The following CCDC171 variants were observed in gnomAD, a reference collection of about 807,000 sequenced individuals.
CCDC171 encodes coiled-coil domain-containing protein 171.
A neutral mutation model predicts 168.2 loss-of-function variants in CCDC171; 177 were observed. The ratio of observed to expected loss-of-function variants is 1.05; its 90% CI spans 0.93 to 1.19. The LOEUF (loss-of-function observed/expected upper bound fraction) is 1.19, where lower values mean the gene tolerates loss of function less well. Among genes scored for constraint, CCDC171 ranks in the 50% most tolerant of loss-of-function variants. The pLI, the probability that CCDC171 is intolerant of heterozygous loss-of-function variation, is 0.00. For synonymous variants in CCDC171, 687 were observed against 540.8 expected (o/e 1.27, Z -3.75); for missense variants, 1,991 against 1,539.0 (o/e 1.29, Z -4.91).
intron 25 of CCDC171, among the ~76,000 whole-genome samples, chr9:15,940,831 A>C (rs1827627729): frequency 1.3e-5 from 2 of 151,842 alleles, no homozygotes; most frequent in Admixed American, 1.3e-4. Flanking sequence ...AGAACAACCA[A>C]GGGCAACCTA....
chr9:15,578,992 C>T lies in CCDC171; in HGVS notation c.321C>T (p.Ala107=), dbSNP rs779725735. Residue 107 remains alanine, a synonymous_variant, in exon 4 of 26, where the codon GCC becomes GCT. Coordinates refer to ENST00000380701, the MANE Select transcript of CCDC171 (RefSeq NM_173550.4). Reference sequence around the variant, plus strand: ...GACGGGCTGCTGAAGAAAGATTAGCCGAGGCACATAGGATCCAAGAAAAAC... The same window carrying T: ...GACGGGCTGCTGAAGAAAGATTAGCTGAGGCACATAGGATCCAAGAAAAAC... ...LGRRAAEERL[A]EAHRIQEKLC... 31 of 1,613,716 alleles carry T rather than the reference C, an allele frequency of 1.9e-5. No homozygotes were observed. The highest frequency in any genetic ancestry group is 1.6e-4 in the Middle Eastern group (1 of 6,062).
intron 7 of CCDC171, among the ~76,000 whole-genome samples, chr9:15,637,919 G>A (rs12683168): frequency 8.9e-4 from 136 of 151,980 alleles, no homozygotes; most frequent in East Asian, 3.9e-3. Flanking sequence ...GAATAGTGCC[G>A]CAATAAACAT....
intron 2 of CCDC171, among the ~76,000 whole-genome samples, chr9:15,568,733 T>G (rs2039959508): frequency 6.6e-6 from 1 of 151,314 alleles, no homozygotes; most frequent in Non-Finnish European, 1.5e-5. Flanking sequence ...TTTATGTCCT[T>G]TGCCCACTTT....
chr9:15,970,106 A>G (rs1187057648), intron 25 of CCDC171, among the ~76,000 whole-genome samples: 7 of 152,218 alleles, frequency 4.6e-5, no homozygotes, highest in Non-Finnish European at 8.8e-5. Context: ...TCCGTCAGCT[A>G]TTGGCCTGCA....
Position 15,727,970 on chromosome 9 carries a change from G to T in CCDC171, c.1794G>T (p.Glu598Asp). The stretch of plus-strand genomic sequence containing the variant: ...TGCTGGATAAATTCTCTTGGTCTGA[G>T]CTTTGTGCAGTCTTACAGGAGAATG... Reference protein sequence around the residue: ...EGMLDKFSWSELCAVLQENVD... With the variant: ...EGMLDKFSWSDLCAVLQENVD... Residue 598 changes from glutamate (E) to aspartate (D), a missense_variant, in exon 15 of 26, where the codon GAG becomes GAT. By Grantham distance (45) the Glu-to-Asp change is conservative. Transcript: ENST00000380701. The T allele has an allele frequency of 2.5e-6, 4 of 1,613,310 alleles. No homozygotes were observed. Among genetic ancestry groups the T allele is most frequent in the Non-Finnish European group, 3.4e-6 (4 of 1,179,610 alleles).
rs1367629425 is a variant in CCDC171, at chr9:15,691,542, TTTTTTA to T, written c.1216-3691_1216-3686del. Among the ~76,000 whole-genome samples the T allele has an allele frequency of 4.3e-4, 48 of 112,718 alleles. 1 individual carries two copies. Among genetic ancestry groups the T allele is most frequent in the African/African-American group, 1.5e-3 (41 of 26,976 alleles). The allele number at this position is 112,718 out of a possible 152,430, so 73.9% of individuals were successfully genotyped here. On this transcript the variant is annotated intron_variant, in intron 10 of 25. Transcript: ENST00000380701. ...GATTAAAAATACCTGTAAATATATGTTTTTTATATATATATATATATATATATATGT... is the reference window on the plus strand; with the variant it reads ...GATTAAAAATACCTGTAAATATATGTTATATATATATATATATATATATGT...
intron 3 of CCDC171, among the ~76,000 whole-genome samples, chr9:16,001,498 T>G (rs1295965816): frequency 2.0e-5 from 3 of 151,912 alleles, no homozygotes; most frequent in African/African-American, 7.3e-5. Flanking sequence ...TAAGGGGCAT[T>G]TTATTAGGTA....
intron 18 of CCDC171, among the ~76,000 whole-genome samples, chr9:15,771,158 T>C (rs911964187): frequency 2.6e-5 from 4 of 152,166 alleles, no homozygotes; most frequent in Non-Finnish European, 5.9e-5. Flanking sequence ...AGCAATATTG[T>C]AATCAGCCAT....
intron 21 of CCDC171, among the ~76,000 whole-genome samples, chr9:15,837,857 T>G (rs2060515908): frequency 6.6e-6 from 1 of 152,230 alleles, no homozygotes; most frequent in African/African-American, 2.4e-5. Flanking sequence ...GAAAGCCTTT[T>G]AGAAATCTCA....
chr9:15,561,175 A>G (rs1317918937), intron 1 of CCDC171, among the ~76,000 whole-genome samples: 1 of 152,184 alleles, frequency 6.6e-6, no homozygotes, highest in Non-Finnish European at 1.5e-5. Context: ...AAGTATGGAT[A>G]TTAGTATTAT....
chr9:16,019,682 G>T (rs1233006670), intron 3 of CCDC171, among the ~76,000 whole-genome samples: 1 of 152,112 alleles, frequency 6.6e-6, no homozygotes, highest in Non-Finnish European at 1.5e-5. Flanking sequence ...AGGACTATCT[G>T]CATTTTAAAT....
chr9:15,746,516 A>C (rs754171030), intron 18 of CCDC171, among the ~76,000 whole-genome samples: 4 of 152,258 alleles, frequency 2.6e-5, no homozygotes, highest in Non-Finnish European at 5.9e-5. Flanking sequence ...ATAAAAGTCT[A>C]AACTAAATGT....
At chr9:16,035,231 A>G (rs993666477) in intron 6 of CCDC171, among the ~76,000 whole-genome samples, 47 of 152,224 alleles carry the variant, frequency 3.1e-4, no homozygotes, top group African/African-American at 9.9e-4. Context: ...AGAACATACT[A>G]AGAAAGAATC....
intron 23 of CCDC171, among the ~76,000 whole-genome samples, chr9:15,855,697 A>C (rs929801775): frequency 6.6e-6 from 1 of 151,634 alleles, no homozygotes; most frequent in Non-Finnish European, 1.5e-5. Flanking sequence ...TTATTTTACT[A>C]TACATTTTTA....
At position 15,919,994 on chromosome 9, in the gene CCDC171, C is replaced by T. The variant is rs1053337257; in HGVS notation, c.3601-276C>T. ...TTACTACAGAAAATAACTGTGCCAT[C>T]TTTTAAAACCGCATTCTAAATTTTA... On this transcript the variant is annotated intron_variant, in intron 24 of 25. Transcript: ENST00000380701. Among the ~76,000 whole-genome samples, 4 of 151,708 alleles carry T rather than the reference C, an allele frequency of 2.6e-5. No homozygotes were observed. In the South Asian group the frequency reaches 6.2e-4, roughly 24 times the overall value.
chr9:15,683,157 C>G (rs1472015238), intron 10 of CCDC171, among the ~76,000 whole-genome samples: 1 of 151,948 alleles, frequency 6.6e-6, no homozygotes, highest in Admixed American at 6.6e-5. Flanking sequence ...AAAGGGAATT[C>G]TAGTTCTCAG....
rs143194842 is a variant in CCDC171, at chr9:15,832,681, G to T, written c.3268-14021G>T. On this transcript the variant is annotated intron_variant, in intron 21 of 25. Transcript: ENST00000380701. ...CTCTGAGTGACTCAGTGAATGAGTG[G>T]TGAGTAAATGTGAAGACGTAGGACA... 6.6e-5 allele frequency among the ~76,000 whole-genome samples: 10 copies of T among 152,314 alleles called. No homozygotes were observed. The East Asian group carries it at 1.9e-3, about 29-fold the overall frequency.
intron 6 of CCDC171, among the ~76,000 whole-genome samples, chr9:15,620,627 G>A (rs276434): frequency 0.076 from 11,605 of 152,226 alleles, 538 homozygotes; most frequent in Middle Eastern, 0.13. Flanking sequence ...TTACTGAAAT[G>A]ACAGCAAAAG....
At chr9:15,857,983 A>G (rs1020993141) in intron 23 of CCDC171, among the ~76,000 whole-genome samples, 5 of 151,838 alleles carry the variant, frequency 3.3e-5, no homozygotes, top group African/African-American at 1.2e-4. Flanking sequence ...GTAGATGTGT[A>G]TATATATGTA....
Sources: allele counts gnomAD v4.1 joint callset (sites outside exome capture counted in the v4.1 genomes callset), GRCh38; gene constraint gnomAD v4.1.1; transcripts MANE v1.5; gene names NCBI Gene and HGNC (gene_info 2026-07-23, HGNC 2026-07-21).